Variants in BMAL2 observed in about 807,000 individuals in gnomAD.
The protein encoded by BMAL2 is basic helix-loop-helix ARNT-like protein 2.
chr12:27,399,940 G>T, the BMAL2 span, among the ~76,000 whole-genome samples: 2 of 152,008 alleles, frequency 1.3e-5, no homozygotes, highest in African/African-American at 4.8e-5. Context: ...TGAGTTAATT[G>T]CTTGGGATTT....
the BMAL2 span, among the ~76,000 whole-genome samples, chr12:27,366,546 A>G: frequency 6.6e-6 from 1 of 152,222 alleles, no homozygotes; most frequent in African/African-American, 2.4e-5. Context: ...CAGATTCTCA[A>G]ATTTAGACTA....
chr12:27,370,595 T>C, the BMAL2 span, among the ~76,000 whole-genome samples: 1 of 152,040 alleles, frequency 6.6e-6, no homozygotes, highest in African/African-American at 2.4e-5. Flanking sequence ...GAGAGCTGGT[T>C]CTTTTTTGTT....
the BMAL2 span, among the ~76,000 whole-genome samples, chr12:27,369,731 G>A: frequency 6.6e-6 from 1 of 152,198 alleles, no homozygotes; most frequent in African/African-American, 2.4e-5. Context: ...TATAGAGGTA[G>A]CCCAGCTTCA....
At chr12:27,395,850 C>T in the BMAL2 span, among the ~76,000 whole-genome samples, 1 of 152,240 alleles carries the variant, frequency 6.6e-6, no homozygotes, top group Non-Finnish European at 1.5e-5. Flanking sequence ...CCACTAGACT[C>T]TGCCTCCCAA....
At chr12:27,388,503 T>C in the BMAL2 span, among the ~76,000 whole-genome samples, 2 of 151,716 alleles carry the variant, frequency 1.3e-5, no homozygotes, top group Non-Finnish European at 2.9e-5. Flanking sequence ...ACACATGAAG[T>C]AGGATGTCTG....
At chr12:27,387,612 A>G in the BMAL2 span, among the ~76,000 whole-genome samples, 15 of 152,168 alleles carry the variant, frequency 9.9e-5, no homozygotes, top group Non-Finnish European at 1.9e-4. Context: ...AGACTAAATG[A>G]GGTGTCATAT....
the BMAL2 span, among the ~76,000 whole-genome samples, chr12:27,361,465 G>GT: frequency 6.6e-6 from 1 of 152,104 alleles, no homozygotes; most frequent in Non-Finnish European, 1.5e-5. Context: ...GAGTGTTAAA[G>GT]AACACATATT....
chr12:27,353,165 C>T, the BMAL2 span, among the ~76,000 whole-genome samples: 1 of 152,126 alleles, frequency 6.6e-6, no homozygotes, highest in Non-Finnish European at 1.5e-5. Context: ...AATCACACTA[C>T]CCGACTTCAA....
chr12:27,389,926 CA>C, the BMAL2 span: 1 of 562,846 alleles, frequency 1.8e-6, no homozygotes, highest in Non-Finnish European at 2.9e-6. Context: ...TTGACAAATA[CA>C]TTTTTTGGGT....
the BMAL2 span, among the ~76,000 whole-genome samples, chr12:27,398,947 A>G: frequency 6.6e-6 from 1 of 152,198 alleles, no homozygotes; most frequent in Non-Finnish European, 1.5e-5. Context: ...CCTTTGAGGC[A>G]TCTGGGTTGT....
the BMAL2 span, among the ~76,000 whole-genome samples, chr12:27,340,027 T>C: frequency 6.6e-6 from 1 of 152,160 alleles, no homozygotes; most frequent in East Asian, 1.9e-4. Context: ...TTGCAAAAAG[T>C]TTTCTGCCAT....
chr12:27,374,447 G>A, the BMAL2 span, among the ~76,000 whole-genome samples: 2 of 152,188 alleles, frequency 1.3e-5, no homozygotes, highest in African/African-American at 4.8e-5. Context: ...TGCAAATACT[G>A]TGAAGAGACT....
chr12:27,368,341 T>C, the BMAL2 span: 3 of 1,614,118 alleles, frequency 1.9e-6, no homozygotes, highest in Non-Finnish European at 2.5e-6. Flanking sequence ...GACCAACAGC[T>C]ATGGGGTCTT....
the BMAL2 span, chr12:27,370,132 AGGAATCATG>A: frequency 1.9e-6 from 3 of 1,613,398 alleles, no homozygotes; most frequent in Admixed American, 5.0e-5. Context: ...CTTCCAGGTC[AGGAATCATG>A]ACAGAAAAAG....
chr12:27,334,421 G>A, the BMAL2 span, among the ~76,000 whole-genome samples: 10 of 152,144 alleles, frequency 6.6e-5, no homozygotes, highest in South Asian at 1.7e-3. Flanking sequence ...CCAATACTTA[G>A]GAAATAGTAA....
the BMAL2 span, among the ~76,000 whole-genome samples, chr12:27,415,289 C>T: frequency 6.6e-6 from 1 of 152,180 alleles, no homozygotes; most frequent in Non-Finnish European, 1.5e-5. Context: ...TATTTAACTG[C>T]AGCAATCATT....
the BMAL2 span, among the ~76,000 whole-genome samples, chr12:27,398,986 C>A: frequency 1.3e-5 from 2 of 152,074 alleles, no homozygotes; most frequent in Non-Finnish European, 2.9e-5. Flanking sequence ...AGGATGACCC[C>A]CAGATTTCTC....
the BMAL2 span, among the ~76,000 whole-genome samples, chr12:27,418,771 A>T: frequency 2.7e-4 from 41 of 152,210 alleles, no homozygotes; most frequent in Middle Eastern, 0.02. Context: ...TGAGGTCAGG[A>T]GTTCGAGACC....
chr12:27,360,073 G>A, the BMAL2 span, among the ~76,000 whole-genome samples: 5 of 111,156 alleles, frequency 4.5e-5, no homozygotes, highest in East Asian at 2.7e-4. Context: ...AAAAAAAAAA[G>A]TACTAGCAGC....
Sources: gnomAD v4.1 joint callset for allele counts (sites outside exome capture counted in the v4.1 genomes callset) on GRCh38, gnomAD v4.1.1 for gene constraint, MANE v1.5 for transcripts, NCBI Gene and HGNC (gene_info 2026-07-23, HGNC 2026-07-21) for gene names.